The following IL1RAPL1 variants were observed in gnomAD, a reference collection of about 807,000 sequenced individuals.
The protein encoded by IL1RAPL1 is interleukin 1 receptor accessory protein like 1, also known as interleukin-1 receptor accessory protein-like 1.
IL1RAPL1 carries 3 observed loss-of-function variants against 48.4 expected under a neutral mutation model. The ratio of observed to expected loss-of-function variants is 0.06; its 90% CI spans 0.03 to 0.16. The LOEUF (loss-of-function observed/expected upper bound fraction) is 0.16, where lower values mean the gene tolerates loss of function less well. IL1RAPL1 is among the 10% of genes least tolerant of loss of function. The pLI is 1.00. For synonymous variants in IL1RAPL1, 185 were observed against 187.7 expected (o/e 0.99, Z 0.12); for missense variants, 349 against 530.6 (o/e 0.66, Z 3.36).
At chrX:28,908,657 ATTC>A (rs1923281788) in intron 2 of IL1RAPL1, among the ~76,000 whole-genome samples, 1 of 111,541 alleles carries the variant, frequency 9.0e-6, no homozygotes, top group East Asian at 2.8e-4. Context: ...AAGAATGTGT[ATTC>A]TGCTGTTGTT....
intron 7 of IL1RAPL1, among the ~76,000 whole-genome samples, chrX:29,918,541 A>G (rs1376590379): frequency 1.8e-5 from 2 of 109,174 alleles, no homozygotes; most frequent in African/African-American, 6.7e-5. Flanking sequence ...CACAGGAAAC[A>G]TTAACAAGGT....
intron 5 of IL1RAPL1, among the ~76,000 whole-genome samples, chrX:29,421,485 C>T (rs1448787705): frequency 9.1e-6 from 1 of 109,959 alleles, no homozygotes; most frequent in Non-Finnish European, 1.9e-5. Context: ...TATTACTTGG[C>T]TGTCTCACTT....
chrX:29,590,391 A>G (rs1923327865), intron 5 of IL1RAPL1, among the ~76,000 whole-genome samples: 1 of 111,690 alleles, frequency 9.0e-6, no homozygotes, highest in South Asian at 3.7e-4. Flanking sequence ...CACTTTAGAA[A>G]TGTACAAAAG....
chrX:28,678,267 A>G (rs1935020904), intron 1 of IL1RAPL1, among the ~76,000 whole-genome samples: 1 of 111,352 alleles, frequency 9.0e-6, no homozygotes, highest in African/African-American at 3.3e-5. Context: ...TCCGGTTTGC[A>G]TCACCTTGAC....
intron 5 of IL1RAPL1, among the ~76,000 whole-genome samples, chrX:29,593,601 C>T (rs1049737557): frequency 9.0e-6 from 1 of 111,579 alleles, no homozygotes; most frequent in African/African-American, 3.3e-5. Flanking sequence ...AGTTTTGCCT[C>T]CATTTACACG....
rs770903858 is a variant in IL1RAPL1, at chrX:28,933,303, C to T, written c.82+143878C>T. On this transcript the variant is annotated intron_variant, in intron 2 of 10. Transcript: ENST00000378993. ...AGATCTTTTCCACTGGAGTTCTCTC[C>T]CCCATTGCAGCTCAGTGGCCATCAT... Among the ~76,000 whole-genome samples the T allele has an allele frequency of 2.7e-5, 3 of 111,006 alleles. No homozygotes were observed. The South Asian group carries it at 1.2e-3, about 43-fold the overall frequency.
intron 1 of IL1RAPL1, among the ~76,000 whole-genome samples, chrX:28,738,833 C>T (rs1369491539): frequency 9.0e-6 from 1 of 111,271 alleles, no homozygotes; most frequent in African/African-American, 3.3e-5. Flanking sequence ...ACTGTCCTTC[C>T]ATGTGGGTTG....
intron 2 of IL1RAPL1, among the ~76,000 whole-genome samples, chrX:28,975,757 A>G (rs1170018944): frequency 8.9e-6 from 1 of 112,340 alleles, no homozygotes; most frequent in East Asian, 2.8e-4. Flanking sequence ...ATGGTGATAA[A>G]TGTTTTAGAG....
At chrX:29,809,973 A>T (rs1040850865) in intron 6 of IL1RAPL1, among the ~76,000 whole-genome samples, 2 of 110,310 alleles carry the variant, frequency 1.8e-5, no homozygotes, top group African/African-American at 6.6e-5. Context: ...TTAGTTCTAA[A>T]TTTTTTTAAG....
At chrX:28,762,247 A>G (rs374906027) in intron 1 of IL1RAPL1, among the ~76,000 whole-genome samples, 1 of 111,976 alleles carries the variant, frequency 8.9e-6, no homozygotes, top group South Asian at 3.7e-4. Flanking sequence ...AGAACATAAA[A>G]CAATGACTAA....
intron 5 of IL1RAPL1, among the ~76,000 whole-genome samples, chrX:29,573,963 G>A (rs746467477): frequency 9.0e-5 from 10 of 111,024 alleles, no homozygotes; most frequent in African/African-American, 3.3e-4. Context: ...CTTGATATGG[G>A]GCATATCCCT....
intron 2 of IL1RAPL1, among the ~76,000 whole-genome samples, chrX:28,957,526 G>A (rs1468167361): frequency 9.0e-6 from 1 of 111,517 alleles, no homozygotes; most frequent in Non-Finnish European, 1.9e-5. Context: ...CTATTCCAAT[G>A]TCTCTTACTG....
chrX:28,849,296 A>G (rs1921596168), intron 2 of IL1RAPL1, among the ~76,000 whole-genome samples: 1 of 111,755 alleles, frequency 8.9e-6, no homozygotes, highest in Non-Finnish European at 1.9e-5. Context: ...CTGTGTACCC[A>G]TTCAAGTCTG....
intron 2 of IL1RAPL1, among the ~76,000 whole-genome samples, chrX:29,087,372 G>A (rs1324088419): frequency 9.1e-6 from 1 of 109,930 alleles, no homozygotes; most frequent in Non-Finnish European, 1.9e-5. Context: ...TCTTGACCTC[G>A]TGATCTGCCC....
At chrX:28,632,792 C>G (rs2146894087) in intron 1 of IL1RAPL1, among the ~76,000 whole-genome samples, 2 of 110,178 alleles carry the variant, frequency 1.8e-5, no homozygotes, top group African/African-American at 3.3e-5. Flanking sequence ...TAATATCTAT[C>G]TTTATACAAG....
chrX:29,212,500 G>A (rs1930789409), intron 2 of IL1RAPL1, among the ~76,000 whole-genome samples: 1 of 110,783 alleles, frequency 9.0e-6, no homozygotes, highest in Non-Finnish European at 1.9e-5. Context: ...GTAGAGACGG[G>A]GTTTCTGCAT....
chrX:28,735,782 AT>A (rs1935815423), intron 1 of IL1RAPL1, among the ~76,000 whole-genome samples: 2 of 111,339 alleles, frequency 1.8e-5, no homozygotes, highest in African/African-American at 6.5e-5. Flanking sequence ...AAAGTATAAA[AT>A]TAAAAAAAAA....
chrX:29,408,374 A>C (rs995991584), intron 5 of IL1RAPL1, among the ~76,000 whole-genome samples: 2 of 111,708 alleles, frequency 1.8e-5, no homozygotes, highest in African/African-American at 6.5e-5. Flanking sequence ...AAAGATTTAA[A>C]ACAAAGTAAC....
chrX:28,885,990 A>G (rs1922618257), intron 2 of IL1RAPL1, among the ~76,000 whole-genome samples: 1 of 111,231 alleles, frequency 9.0e-6, no homozygotes, highest in African/African-American at 3.3e-5. Flanking sequence ...CATAGGCTCC[A>G]TACAAAATTT....
Sources: gnomAD v4.1 joint callset for allele counts (sites outside exome capture counted in the v4.1 genomes callset) on GRCh38, gnomAD v4.1.1 for gene constraint, MANE v1.5 for transcripts, NCBI Gene and HGNC (gene_info 2026-07-23, HGNC 2026-07-21) for gene names.